SRR: variants seen among roughly 807,000 people sequenced by gnomAD.
SRR encodes D-serine ammonia-lyase.
A neutral mutation model predicts 32.7 loss-of-function variants in SRR; 19 were observed. The ratio of observed to expected loss-of-function variants is 0.58; its 90% CI spans 0.40 to 0.85. The LOEUF is 0.85. Among genes scored for constraint, SRR ranks in the 40% least tolerant of loss-of-function variants. SRR has a pLI of 0.00. For synonymous variants in SRR, 142 were observed against 140.9 expected (o/e 1.01, Z -0.06); for missense variants, 373 against 404.7 (o/e 0.92, Z 0.67).
Position 2,303,963 on chromosome 17 carries a change from C to A in SRR, c.-59C>A. The A allele has an allele frequency of 2.7e-6, 1 of 367,076 alleles. No homozygotes were observed. The highest frequency in any genetic ancestry group is 6.1e-5 in the South Asian group (1 of 16,284). 22.7% of individuals were successfully genotyped at this position (367,076 alleles called of 1,614,324 possible). On this transcript the variant is annotated 5_prime_UTR_variant, in exon 1 of 8. Transcript: ENST00000344595. ...CGGGCGCTGCGCGTGCGCAGAGGTGCGGCCGGGGAGGCGCGCGGAGGCTGG... is the reference window on the plus strand; with the variant it reads ...CGGGCGCTGCGCGTGCGCAGAGGTGAGGCCGGGGAGGCGCGCGGAGGCTGG...
intron 1 of SRR, among the ~76,000 whole-genome samples, chr17:2,306,045 C>T (rs1327679018): frequency 7.1e-6 from 1 of 141,032 alleles, no homozygotes; most frequent in Non-Finnish European, 1.6e-5. Context: ...TGGCCGGGCG[C>T]GGTGGCTCAC....
Position 2,323,299 on chromosome 17 carries a change from G to C in SRR, c.758G>C (p.Arg253Thr). 1 of 1,614,052 alleles carries C rather than the reference G, an allele frequency of 6.2e-7. No homozygotes were observed. Among genetic ancestry groups the C allele is most frequent in the Non-Finnish European group, 8.5e-7 (1 of 1,179,946 alleles). Residue 253 changes from arginine (R) to threonine (T), a missense_variant, in exon 7 of 8, where the codon AGG becomes ACG. Transcript: ENST00000344595. ...SIGLNTWPIIRDLVDDIFTVT... is the reference protein window; with the variant it reads ...SIGLNTWPIITDLVDDIFTVT... ...GGCTTGAACACCTGGCCTATTATCAGGGACCTTGTGGATGATATCTTCACT... is the reference window on the plus strand; with the variant it reads ...GGCTTGAACACCTGGCCTATTATCACGGACCTTGTGGATGATATCTTCACT...
rs181154248 is a variant in SRR, at chr17:2,310,967, C to T, written c.-4-4590C>T. On this transcript the variant is annotated intron_variant, in intron 1 of 7. Transcript: ENST00000344595. ...TTCACCATGTTAGCCAGGATGGTCTCGATCTCCTGACCTTGTGATCTTCCC... is the reference window on the plus strand; with the variant it reads ...TTCACCATGTTAGCCAGGATGGTCTTGATCTCCTGACCTTGTGATCTTCCC... Among the ~76,000 whole-genome samples, 536 of 151,910 alleles carry T rather than the reference C, an allele frequency of 3.5e-3. 3 individuals carry two copies. Among genetic ancestry groups the T allele is most frequent in the African/African-American group, 0.012 (505 of 41,430 alleles).
In SRR at chr17:2,324,296, C is replaced by T. The variant is rs759288888; in HGVS notation, c.*423C>T. ...ATCATAAGTCCATTTGGGGAAGACTCGTTTATACAGGTTCATCAGTACTGT... is the reference window on the plus strand; with the variant it reads ...ATCATAAGTCCATTTGGGGAAGACTTGTTTATACAGGTTCATCAGTACTGT... On this transcript the variant is annotated 3_prime_UTR_variant, in exon 8 of 8. Coordinates refer to ENST00000344595, the MANE Select transcript of SRR (RefSeq NM_021947.3). 1.7e-5 allele frequency: 27 copies of T among 1,560,466 alleles called. No individual in the cohort carries two copies. In the East Asian group the frequency reaches 4.7e-4, roughly 27 times the overall value.
At chr17:2,318,717 G>T (rs2075499933) in intron 3 of SRR, 109 bp from the exon 4 acceptor site, 2 of 645,566 alleles carry the variant, frequency 3.1e-6, no homozygotes, top group East Asian at 6.3e-5. Flanking sequence ...TGATCCGCCT[G>T]CCTCAGCCTC....
rs766378266 is a variant in SRR, at chr17:2,323,643, C to A, written c.805-12C>A. 18 of 1,613,342 alleles carry A rather than the reference C, an allele frequency of 1.1e-5. No homozygotes were observed. Among genetic ancestry groups the A allele is most frequent in the Non-Finnish European group, 1.5e-5 (18 of 1,179,466 alleles). ...CCCTTTCACTAATTCCTACTCCCTT[C>A]CATATCAACAGTGTGCAACCCAGCT... On this transcript the variant is annotated splice_polypyrimidine_tract_variant and intron_variant, in intron 7 of 7. Transcript: ENST00000344595.
At chr17:2,321,494 T>C (rs774886242) in intron 5 of SRR, 48 bp from the exon 6 acceptor site, 6 of 1,612,814 alleles carry the variant, frequency 3.7e-6, no homozygotes, top group South Asian at 2.2e-5. Flanking sequence ...TTATTTTATA[T>C]GTATACATTA....
At chr17:2,319,069 T>A in intron 4 of SRR, 140 bp downstream of exon 4, 1 of 575,446 alleles carries the variant, frequency 1.7e-6, no homozygotes, top group South Asian at 2.1e-5. Flanking sequence ...TTTCTCTATC[T>A]ACACTCACAA....
chr17:2,315,495 C>T, intron 1 of SRR, 62 bp from the exon 2 acceptor site: 1 of 1,489,596 alleles, frequency 6.7e-7, no homozygotes, highest in South Asian at 1.4e-5. Context: ...TTTTCAAAAT[C>T]TCTTCAATAA....
chr17:2,317,978 T>G lies in SRR; in HGVS notation c.277T>G (p.Tyr93Asp). ...TGGAAACCATGGCCAGGCTCTCACC[T>G]ATGCTGCCAAATTGGAAGGTACTTG... ...SSGNHGQALTYAAKLEGIPAY... is the reference protein window; with the variant it reads ...SSGNHGQALTDAAKLEGIPAY... The change falls in exon 3 of 8, where the codon TAT becomes GAT. Residue 93 changes from tyrosine to aspartate, a missense_variant. Transcript: ENST00000344595. 1.2e-6 allele frequency: 2 copies of G among 1,613,020 alleles called. No individual in the cohort carries two copies. The highest frequency in any genetic ancestry group is 1.7e-6 in the Non-Finnish European group (2 of 1,179,412).
intron 1 of SRR, among the ~76,000 whole-genome samples, chr17:2,304,621 A>G (rs575149109): frequency 6.6e-6 from 1 of 151,750 alleles, no homozygotes; most frequent in East Asian, 2.0e-4. Context: ...ATATAAGTCC[A>G]TTTGGGACCT....
chr17:2,316,879 A>ATT (rs536120942), intron 2 of SRR, among the ~76,000 whole-genome samples: 25,088 of 123,554 alleles, frequency 0.2, 2,673 homozygotes, highest in Admixed American at 0.26. Flanking sequence ...CGCCCAGCTA[A>ATT]TTTTTTTTTT....
intron 3 of SRR, among the ~76,000 whole-genome samples, chr17:2,318,197 A>G (rs1372388064): frequency 3.3e-5 from 5 of 151,154 alleles, no homozygotes; most frequent in African/African-American, 1.2e-4. Context: ...CAGGCTGGAG[A>G]GCGGTGACGC....
At position 2,324,864 on chromosome 17, in the gene SRR, T is replaced by A. The variant is rs759516222; in HGVS notation, c.*991T>A. 1.3e-6 allele frequency: 2 copies of A among 1,589,128 alleles called. No individual in the cohort carries two copies. Among genetic ancestry groups the A allele is most frequent in the Non-Finnish European group, 1.7e-6 (2 of 1,171,142 alleles). On this transcript the variant is annotated 3_prime_UTR_variant, in exon 8 of 8. Coordinates refer to ENST00000344595, the MANE Select transcript of SRR (RefSeq NM_021947.3). ...AAAAGCAAAGAAGCTATTTAGGAAT[T>A]TACAGGCCAAAGTCTTCATTTATTG...
At chr17:2,322,681 T>C (rs1302288614) in intron 6 of SRR, 3 of 154,196 alleles carry the variant, frequency 1.9e-5, no homozygotes, top group Admixed American at 6.4e-5. Context: ...TTTTTTGTTT[T>C]TTTTTTTTGT....
intron 1 of SRR, among the ~76,000 whole-genome samples, chr17:2,315,166 G>A (rs1044042059): frequency 3.3e-5 from 5 of 151,822 alleles, no homozygotes; most frequent in East Asian, 1.9e-4. Context: ...TGCTTGACCC[G>A]GGAGGCGGAG....
intron 1 of SRR, chr17:2,307,631 A>C: frequency 1.1e-6 from 1 of 944,050 alleles, no homozygotes; most frequent in Middle Eastern, 3.2e-4. Flanking sequence ...ATGGTGGTGC[A>C]GGCCAATACT....
intron 6 of SRR, 151 bp downstream of exon 6, chr17:2,321,767 ACTACT>A (rs893067878): frequency 8.6e-6 from 6 of 697,034 alleles, no homozygotes; most frequent in African/African-American, 7.3e-5. Context: ...TCTCTGCCTC[ACTACT>A]CTATTTACTA....
At chr17:2,317,431 G>C (rs967336883) in intron 2 of SRR, among the ~76,000 whole-genome samples, 1 of 151,818 alleles carries the variant, frequency 6.6e-6, no homozygotes, top group Non-Finnish European at 1.5e-5. Context: ...AGAATGGCGT[G>C]AACCCGGGAG....
Sources: allele counts gnomAD v4.1 joint callset (sites outside exome capture counted in the v4.1 genomes callset), GRCh38; gene constraint gnomAD v4.1.1; transcripts MANE v1.5; gene names NCBI Gene and HGNC (gene_info 2026-07-23, HGNC 2026-07-21).